Variants in SOX5 observed in about 807,000 individuals in gnomAD.
SOX5 encodes the protein transcription factor SOX-5.
In SOX5, 9 loss-of-function variants were observed where a neutral mutation model predicts 92.0. The observed-to-expected ratio is 0.10, with a 90% CI of 0.06 to 0.17. SOX5 has a LOEUF of 0.17. Among genes scored for constraint, SOX5 ranks in the 10% least tolerant of loss-of-function variants. SOX5 has a pLI of 1.00. For missense variants in SOX5, 642 were observed against 944.5 expected (o/e 0.68, Z 4.20); for synonymous variants, 344 against 336.3 (o/e 1.02, Z -0.25).
At position 24,386,790 on chromosome 12, in the gene SOX5, T is replaced by C. The variant is rs531026608; in HGVS notation, c.-250-18151A>G. ...AAAACTATTGGTCTTTAGTAAATAA[T>C]GAAACAATGTAAAAAATATTGAGGC... On this transcript the variant is annotated intron_variant, in intron 1 of 4. Coordinates refer to the SOX5 transcript ENST00000446891. Among the ~76,000 whole-genome samples the C allele has an allele frequency of 3.9e-5, 6 of 152,284 alleles. No individual in the cohort carries two copies. The South Asian group carries it at 1.2e-3, about 32-fold the overall frequency.
chr12:23,876,325 C>G (rs2096926415), intron 2 of SOX5, among the ~76,000 whole-genome samples: 1 of 152,088 alleles, frequency 6.6e-6, no homozygotes, highest in African/African-American at 2.4e-5. Context: ...AGGATATGAA[C>G]AGACACTTCT....
chr12:24,090,754 A>T (rs1944545914), intron 4 of SOX5, among the ~76,000 whole-genome samples: 1 of 152,212 alleles, frequency 6.6e-6, no homozygotes, highest in Non-Finnish European at 1.5e-5. Context: ...TTGATGACAC[A>T]ATGTAGGCAT....
intron 1 of SOX5, among the ~76,000 whole-genome samples, chr12:24,424,809 G>C (rs903133964): frequency 7.8e-6 from 1 of 128,332 alleles, no homozygotes; most frequent in Non-Finnish European, 1.6e-5. Context: ...TTTTTTTTTT[G>C]GGGGGGGGGG....
chr12:23,948,052 T>C (rs974794303), intron 1 of SOX5, among the ~76,000 whole-genome samples: 3 of 152,232 alleles, frequency 2.0e-5, no homozygotes, highest in South Asian at 2.1e-4. Flanking sequence ...ATGTACAGTA[T>C]GTTCCACTAT....
intron 4 of SOX5, among the ~76,000 whole-genome samples, chr12:24,122,453 C>G (rs2030129): frequency 0.79 from 120,815 of 152,066 alleles, 48,247 homozygotes; most frequent in Non-Finnish European, 0.83. Flanking sequence ...AAGAAGGGGA[C>G]GGTTAGGATT....
At chr12:23,573,452 A>C (rs1464845490) in intron 10 of SOX5, among the ~76,000 whole-genome samples, 1 of 152,166 alleles carries the variant, frequency 6.6e-6, no homozygotes, top group Non-Finnish European at 1.5e-5. Context: ...ACTATTAAAT[A>C]ATCCCTCTTT....
chr12:24,317,936 G>A (rs762569957), intron 2 of SOX5, among the ~76,000 whole-genome samples: 1 of 152,160 alleles, frequency 6.6e-6, no homozygotes, highest in Non-Finnish European at 1.5e-5. Flanking sequence ...CAGGCTGGGT[G>A]TTGGTGGCTC....
At chr12:23,742,183 G>A (rs1473756871) in intron 4 of SOX5, among the ~76,000 whole-genome samples, 1 of 152,098 alleles carries the variant, frequency 6.6e-6, no homozygotes, top group Non-Finnish European at 1.5e-5. Flanking sequence ...ACCAATTTAG[G>A]CTGAAACAGT....
chr12:24,139,972 T>C (rs1176299726), intron 4 of SOX5, among the ~76,000 whole-genome samples: 2 of 152,212 alleles, frequency 1.3e-5, no homozygotes, highest in Non-Finnish European at 2.9e-5. Context: ...TTCAGACCAT[T>C]ACTGTGGTGG....
intron 2 of SOX5, among the ~76,000 whole-genome samples, chr12:23,870,220 A>G (rs2096858555): frequency 6.6e-6 from 1 of 152,086 alleles, no homozygotes; most frequent in African/African-American, 2.4e-5. Flanking sequence ...TGAAAATAAA[A>G]TAAAGAAGAA....
intron 1 of SOX5, among the ~76,000 whole-genome samples, chr12:24,432,742 G>A (rs1160200000): frequency 1.3e-5 from 2 of 152,224 alleles, no homozygotes; most frequent in East Asian, 1.9e-4. Context: ...AACCCAGGAG[G>A]CGGAGATTGC....
rs149396786 is a variant in SOX5, at chr12:24,451,869, T to C, written c.-250-83230A>G. 3.9e-3 allele frequency among the ~76,000 whole-genome samples: 600 copies of C among 152,342 alleles called. 3 individuals are homozygous for C. Among genetic ancestry groups the C allele is most frequent in the African/African-American group, 0.014 (576 of 41,572 alleles). ...GACGCTGTAGCTACTCTAGGAATTA[T>C]AGATGCCATTAGAAAAGTAATAATT... On this transcript the variant is annotated intron_variant, in intron 1 of 4. Coordinates refer to the SOX5 transcript ENST00000446891.
intron 3 of SOX5, among the ~76,000 whole-genome samples, chr12:23,845,477 G>T (rs911104635): frequency 1.3e-5 from 2 of 152,154 alleles, no homozygotes; most frequent in African/African-American, 4.8e-5. Context: ...CTTTCTGGAA[G>T]TTGAACAAAT....
chr12:24,525,597 C>A (rs1345717367), intron 1 of SOX5, among the ~76,000 whole-genome samples: 1 of 152,144 alleles, frequency 6.6e-6, no homozygotes, highest in African/African-American at 2.4e-5. Flanking sequence ...CCAGGCCGGG[C>A]GTGGTGGCTC....
chr12:23,897,395 C>A (rs529615995), intron 1 of SOX5, among the ~76,000 whole-genome samples: 5 of 152,120 alleles, frequency 3.3e-5, no homozygotes, highest in Admixed American at 2.0e-4. Context: ...TCAGACAAGT[C>A]GGAATGAAAA....
chr12:24,026,242 T>A (rs1379622744), intron 4 of SOX5, among the ~76,000 whole-genome samples: 2 of 151,894 alleles, frequency 1.3e-5, no homozygotes, highest in Non-Finnish European at 2.9e-5. Flanking sequence ...CTTCCTGGAC[T>A]ACAGAAGATG....
At chr12:23,884,894 T>C (rs978960313) in intron 2 of SOX5, among the ~76,000 whole-genome samples, 6 of 152,356 alleles carry the variant, frequency 3.9e-5, no homozygotes, top group South Asian at 4.1e-4. Context: ...ATTAGATATC[T>C]TATTCTGAGG....
intron 4 of SOX5, among the ~76,000 whole-genome samples, chr12:24,171,409 G>A (rs537948389): frequency 2.1e-4 from 32 of 151,654 alleles, no homozygotes; most frequent in Non-Finnish European, 4.3e-4. Flanking sequence ...ATTTTTAGTA[G>A]AGACGAGGTT....
At chr12:23,864,754 A>C (rs1428940285) in intron 2 of SOX5, among the ~76,000 whole-genome samples, 1 of 152,248 alleles carries the variant, frequency 6.6e-6, no homozygotes, top group Non-Finnish European at 1.5e-5. Context: ...TTAAGGAAAG[A>C]AGCAATCTTC....
Sources: gnomAD v4.1 joint callset for allele counts (sites outside exome capture counted in the v4.1 genomes callset) on GRCh38, gnomAD v4.1.1 for gene constraint, MANE v1.5 for transcripts, NCBI Gene and HGNC (gene_info 2026-07-23, HGNC 2026-07-21) for gene names.